The following RIN3 variants were observed in gnomAD, a reference collection of about 807,000 sequenced individuals.
RIN3 encodes RAB5 interacting protein 3.
Under a neutral mutation model 76.3 loss-of-function variants are expected in RIN3, and 54 were observed. The ratio of observed to expected loss-of-function variants is 0.71; its 90% confidence interval spans 0.57 to 0.89. The LOEUF (loss-of-function observed/expected upper bound fraction) is 0.89. RIN3 is among the 40% of genes least tolerant of loss of function. The pLI is 0.00. For synonymous variants in RIN3, 576 were observed against 564.0 expected (o/e 1.02, Z -0.30); for missense variants, 1,256 against 1,322.1 (o/e 0.95, Z 0.78).
intron 9 of RIN3, 139 bp from the exon 10 acceptor site, chr14:92,687,787 G>A (rs1044026734): frequency 4.1e-6 from 3 of 740,306 alleles, no homozygotes; most frequent in Non-Finnish European, 2.0e-6. Flanking sequence ...CGGCAGAGAC[G>A]GGAAAGGCGC....
chr14:92,575,399 G>T (rs1383670442), intron 2 of RIN3, among the ~76,000 whole-genome samples: 1 of 152,166 alleles, frequency 6.6e-6, no homozygotes, highest in South Asian at 2.1e-4. Flanking sequence ...AGAATAAGGT[G>T]AAAGCAAGTT....
intron 2 of RIN3, chr14:92,576,222 A>C: frequency 1.6e-6 from 2 of 1,269,214 alleles, no homozygotes; most frequent in Non-Finnish European, 1.0e-6. Context: ...AGACCTGCCA[A>C]GACTCAAAGG....
chr14:92,673,633 G>C (rs996024846), intron 7 of RIN3, among the ~76,000 whole-genome samples: 1 of 151,996 alleles, frequency 6.6e-6, no homozygotes, highest in Admixed American at 6.6e-5. Flanking sequence ...AGCCTCCCAA[G>C]TAGCTGGGAT....
intron 1 of RIN3, among the ~76,000 whole-genome samples, chr14:92,548,830 G>C (rs1897345478): frequency 6.6e-6 from 1 of 151,904 alleles, no homozygotes; most frequent in Non-Finnish European, 1.5e-5. Flanking sequence ...CAAGTACTGG[G>C]GTTAGGATTT....
chr14:92,513,910 C>T lies in RIN3; in HGVS notation c.-23C>T. The T allele has an allele frequency of 8.0e-7, 1 of 1,254,908 alleles. No homozygotes were observed. Among genetic ancestry groups the T allele is most frequent in the Non-Finnish European group, 1.0e-6 (1 of 999,852 alleles). The allele number at this position is 1,254,908 out of a possible 1,614,324, so 77.7% of individuals were successfully genotyped here. A position where few individuals can be genotyped will look rare whatever the true frequency, so the allele number is the denominator to read the frequency against. On this transcript the variant is annotated 5_prime_UTR_variant, in exon 1 of 10. Coordinates refer to ENST00000216487, the MANE Select transcript of RIN3 (RefSeq NM_024832.5). ...GCCCGGCGCCTGAGCGCCTCCGTTC[C>T]CCGTCCCGGAGCTGCCGGCGGCATG...
chr14:92,638,211 C>G (rs922743668), intron 4 of RIN3, among the ~76,000 whole-genome samples: 3 of 152,102 alleles, frequency 2.0e-5, no homozygotes, highest in Non-Finnish European at 4.4e-5. Flanking sequence ...TGTATAGAAT[C>G]TAAGTAGATG....
rs113888110 is a variant in RIN3 at position 92,585,219 on chromosome 14, C to T, written c.367+7742C>T. Among the ~76,000 whole-genome samples the T allele has an allele frequency of 7.5e-4, 114 of 152,034 alleles. 1 individual carries two copies. Among genetic ancestry groups the T allele is most frequent in the African/African-American group, 2.4e-3 (98 of 41,464 alleles). On this transcript the variant is annotated intron_variant, in intron 3 of 9. Coordinates refer to ENST00000216487, the MANE Select transcript of RIN3 (RefSeq NM_024832.5). ...GTAGAGATGGGGTCTCTGTGTTGTCCGGGCTGGTCTCAAACTGGCCTCCCA... is the reference window on the plus strand; with the variant it reads ...GTAGAGATGGGGTCTCTGTGTTGTCTGGGCTGGTCTCAAACTGGCCTCCCA...
At chr14:92,569,462 A>G (rs1051890586) in intron 2 of RIN3, among the ~76,000 whole-genome samples, 4 of 152,158 alleles carry the variant, frequency 2.6e-5, no homozygotes, top group Non-Finnish European at 5.9e-5. Context: ...CAGAGAAACC[A>G]TACAATCACC....
intron 5 of RIN3, among the ~76,000 whole-genome samples, chr14:92,649,501 G>T (rs965055067): frequency 6.6e-6 from 1 of 151,828 alleles, no homozygotes; most frequent in African/African-American, 2.4e-5. Context: ...TGTAGACATG[G>T]GCACAGTGCT....
chr14:92,592,400 C>CAA lies in RIN3; in HGVS notation c.367+14939_367+14940dup, dbSNP rs35193465. ...TGGGCGACAGAGTGAGACTCTGTCTCAAAAAAAAAAAAAAAAAGGTACAGT... is the reference window on the plus strand; with the variant it reads ...TGGGCGACAGAGTGAGACTCTGTCTCAAAAAAAAAAAAAAAAAAAGGTACAGT... On this transcript the variant is annotated intron_variant, in intron 3 of 9. Transcript: ENST00000216487. Among the ~76,000 whole-genome samples the CAA allele has an allele frequency of 5.9e-4, 45 of 75,868 alleles. No individual in the cohort carries two copies. In the South Asian group the frequency reaches 8.8e-3, roughly 15 times the overall value. The allele number at this position is 75,868 out of a possible 152,430, so 49.8% of individuals were successfully genotyped here. A position where few individuals can be genotyped will look rare whatever the true frequency, so the allele number is the denominator to read the frequency against.
intron 6 of RIN3, among the ~76,000 whole-genome samples, chr14:92,657,183 A>AC (rs1157074581): frequency 6.6e-6 from 1 of 151,716 alleles, no homozygotes; most frequent in African/African-American, 2.4e-5. Flanking sequence ...ACATGGTGAA[A>AC]CCCCCCTCTC....
chr14:92,586,894 G>A (rs951744579), intron 3 of RIN3, among the ~76,000 whole-genome samples: 1 of 152,184 alleles, frequency 6.6e-6, no homozygotes, highest in Non-Finnish European at 1.5e-5. Flanking sequence ...GGCCTTGGAC[G>A]ATGGAAAATA....
intron 5 of RIN3, among the ~76,000 whole-genome samples, chr14:92,642,431 C>A (rs779596793): frequency 6.6e-6 from 1 of 152,136 alleles, no homozygotes; most frequent in Non-Finnish European, 1.5e-5. Context: ...GAGAGTGTTT[C>A]ACGCAGCTGC....
rs373209693 is a variant in RIN3 at position 92,643,927 on chromosome 14, C to CAA, written c.532+2611_532+2612dup. Among the ~76,000 whole-genome samples the CAA allele has an allele frequency of 3.2e-3, 443 of 138,480 alleles. 3 individuals are homozygous for CAA. Among genetic ancestry groups the CAA allele is most frequent in the Admixed American group, 6.2e-3 (86 of 13,816 alleles). 90.8% of individuals were successfully genotyped at this position (138,480 alleles called of 152,430 possible). A position where few individuals can be genotyped will look rare whatever the true frequency, so the allele number is the denominator to read the frequency against. ...TGGGCAACAGACTGAGACTCTGCCT[C>CAA]AAAAAAAAAAAAAATTAGAAGATCA... On this transcript the variant is annotated intron_variant, in intron 5 of 9. Coordinates refer to ENST00000216487, the MANE Select transcript of RIN3 (RefSeq NM_024832.5). The surrounding 1 kb of genome is among the most constrained non-coding windows in gnomAD (Gnocchi z 4.8).
intron 7 of RIN3, among the ~76,000 whole-genome samples, chr14:92,664,234 T>G (rs1459326654): frequency 6.6e-6 from 1 of 152,172 alleles, no homozygotes; most frequent in African/African-American, 2.4e-5. Flanking sequence ...AGAGTTCTAT[T>G]TTTTTAACAT....
At chr14:92,599,245 G>A (rs1566861269) in intron 3 of RIN3, among the ~76,000 whole-genome samples, 1 of 137,666 alleles carries the variant, frequency 7.3e-6, no homozygotes, top group Non-Finnish European at 1.6e-5. Flanking sequence ...CCCCGCCCTT[G>A]GGGGTGTGAA....
At chr14:92,621,599 A>G (rs1468383221) in intron 4 of RIN3, among the ~76,000 whole-genome samples, 3 of 151,122 alleles carry the variant, frequency 2.0e-5, no homozygotes, top group Admixed American at 6.6e-5. Context: ...ATGGTTGACA[A>G]TTGATTGAGT....
At chr14:92,525,667 T>C (rs1278392582) in intron 1 of RIN3, among the ~76,000 whole-genome samples, 1 of 152,058 alleles carries the variant, frequency 6.6e-6, no homozygotes, top group Non-Finnish European at 1.5e-5. Flanking sequence ...ACAGGAACAG[T>C]GCAGGGTCGG....
chr14:92,556,037 C>A, intron 2 of RIN3, 82 bp downstream of exon 2: 2 of 1,150,256 alleles, frequency 1.7e-6, no homozygotes, highest in Non-Finnish European at 1.3e-6. Flanking sequence ...CTGGCTCCCA[C>A]AGGGAAGCAG....
Sources: gnomAD v4.1 joint callset for allele counts (sites outside exome capture counted in the v4.1 genomes callset) on GRCh38, gnomAD v4.1.1 for gene constraint, Gnocchi (gnomAD v3.1) non-coding constraint, MANE v1.5 for transcripts, NCBI Gene and HGNC (gene_info 2026-07-23, HGNC 2026-07-21) for gene names.